TEX14: variants seen among roughly 807,000 people sequenced by gnomAD.
TEX14 encodes the protein testis expressed 14, intercellular bridge forming factor.
In TEX14, 168 loss-of-function variants were observed where a neutral mutation model predicts 178.6. The ratio of observed to expected loss-of-function variants is 0.94; its 90% CI spans 0.83 to 1.07. TEX14 has a LOEUF of 1.07. Ranked by LOEUF, TEX14 falls within the 50% of genes least tolerant of loss-of-function variation. The pLI, the probability that TEX14 is intolerant of heterozygous loss-of-function variation, is 0.00. For synonymous variants in TEX14, 626 were observed against 634.1 expected (o/e 0.99, Z 0.19); for missense variants, 1,730 against 1,753.6 (o/e 0.99, Z 0.24).
Position 58,630,481 on chromosome 17 carries a change from T to C in TEX14, c.210A>G (p.Lys70=). 4 of 1,614,122 alleles carry C rather than the reference T, an allele frequency of 2.5e-6. No homozygotes were observed. Among genetic ancestry groups the C allele is most frequent in the Non-Finnish European group, 3.4e-6 (4 of 1,179,982 alleles). Residue 70 remains lysine (K), a synonymous_variant, in exon 3 of 32, where the codon AAA becomes AAG. Coordinates refer to ENST00000349033, the MANE Select transcript of TEX14 (RefSeq NM_031272.5). ...LFVAALLGLR[K]FVDVLVDYGS... ...CATAATCCACCAGAACATCAACGAA[T>C]TTCCTAAGGCCCAATAACGCCGCAA...
intron 8 of TEX14, 152 bp downstream of exon 8, chr17:58,615,080 C>T (rs538279777): frequency 2.7e-5 from 15 of 552,762 alleles, no homozygotes; most frequent in African/African-American, 2.1e-4. Context: ...CCTGGCAGCC[C>T]TTCGAAGTCA....
At chr17:58,648,731 C>T (rs1487514543) in intron 2 of TEX14, among the ~76,000 whole-genome samples, 1 of 151,642 alleles carries the variant, frequency 6.6e-6, no homozygotes, top group Non-Finnish European at 1.5e-5. Flanking sequence ...TGTCTTGAGA[C>T]TGGCAAGGAT....
rs1477032154 is a variant in TEX14 at position 58,599,310 on chromosome 17, C to T, written c.2035G>A (p.Glu679Lys). 6.2e-7 allele frequency: 1 copy of T among 1,613,434 alleles called. No individual in the cohort carries two copies. The highest frequency in any genetic ancestry group is 8.5e-7 in the Non-Finnish European group (1 of 1,180,038). ...TCTGTCTCAGCTTTTGAAGAGCTCTCATCCTCACTGCCAAAACAACACGCC... is the reference window on the plus strand; with the variant it reads ...TCTGTCTCAGCTTTTGAAGAGCTCTTATCCTCACTGCCAAAACAACACGCC... ...REACCFGSEDESSSKAETEYS... is the reference protein window; with the variant it reads ...REACCFGSEDKSSSKAETEYS... Residue 679 changes from glutamate (E) to lysine (K), a missense_variant, in exon 14 of 32, where the codon GAG becomes AAG. Glu to Lys is a moderately conservative substitution (Grantham distance 56). This residue lies in a region of TEX14 where 941 missense variants were observed against 1,072.4 expected (regional missense o/e 0.88). Coordinates refer to ENST00000349033, the MANE Select transcript of TEX14 (RefSeq NM_031272.5).
chr17:58,599,356 CTCT>C lies in TEX14; in HGVS notation c.1986_1988del (p.Glu663del), dbSNP rs755002016. The C allele has an allele frequency of 6.2e-7, 1 of 1,614,050 alleles. No homozygotes were observed. The highest frequency in any genetic ancestry group is 8.5e-7 in the Non-Finnish European group (1 of 1,180,052). On this transcript the variant is annotated inframe_deletion, in exon 14 of 32. Coordinates refer to ENST00000349033, the MANE Select transcript of TEX14 (RefSeq NM_031272.5). The stretch of plus-strand genomic sequence containing the variant: ...ACGCCTCTCTCTCCATCTTATCCAG[CTCT>C]TCTTCCATGGATTTCAGTTCATCTA...
At chr17:58,622,013 C>T (rs1450172870) in intron 4 of TEX14, among the ~76,000 whole-genome samples, 1 of 152,188 alleles carries the variant, frequency 6.6e-6, no homozygotes, top group Non-Finnish European at 1.5e-5. Flanking sequence ...GAAACCAAGG[C>T]CAAGACGAGT....
intron 26 of TEX14, chr17:58,567,796 G>C (rs1056187730): frequency 2.6e-5 from 4 of 152,192 alleles, no homozygotes; most frequent in Admixed American, 6.5e-5. Context: ...TGAAATGAGG[G>C]AAGGCTTCTG....
intron 3 of TEX14, among the ~76,000 whole-genome samples, chr17:58,625,040 A>G (rs2046102130): frequency 6.6e-6 from 1 of 152,240 alleles, no homozygotes; most frequent in Admixed American, 6.5e-5. Flanking sequence ...GAAGCAGTCC[A>G]GCACACTGCA....
At chr17:58,581,494 T>C in intron 19 of TEX14, 1 of 1,154,080 alleles carries the variant, frequency 8.7e-7, no homozygotes, top group South Asian at 1.4e-5. Context: ...CCAAAAAAGG[T>C]ATAAAAAATC....
chr17:58,590,893 T>A (rs1189129939), intron 15 of TEX14, among the ~76,000 whole-genome samples: 2 of 151,992 alleles, frequency 1.3e-5, no homozygotes, highest in African/African-American at 2.4e-5. Flanking sequence ...TTTTTTTTTT[T>A]AATAACATAG....
intron 2 of TEX14, among the ~76,000 whole-genome samples, chr17:58,650,431 A>G (rs536438287): frequency 5.9e-5 from 9 of 151,448 alleles, no homozygotes; most frequent in East Asian, 5.8e-4. Flanking sequence ...TTTTGAGGGG[A>G]AAAAAAAACC....
chr17:58,628,887 GAA>G (rs879646693), intron 3 of TEX14, among the ~76,000 whole-genome samples: 1 of 128,700 alleles, frequency 7.8e-6, no homozygotes, highest in Non-Finnish European at 1.7e-5. Flanking sequence ...TCCATCACAA[GAA>G]AAAAAAAAAA....
In TEX14 at chr17:58,605,226, C is replaced by T. The variant is rs749304862; in HGVS notation, c.1185-97G>A. ...TCTTTCATTCATTCAGAGTCTTGCC[C>T]TGTCACCCAGGCTGGAAAGCAGCAG... On this transcript the variant is annotated intron_variant, in intron 10 of 31. Coordinates refer to ENST00000349033, the MANE Select transcript of TEX14 (RefSeq NM_031272.5). 549 of 1,411,360 alleles carry T rather than the reference C, an allele frequency of 3.9e-4. 2 individuals carry two copies. The highest frequency in any genetic ancestry group is 4.9e-4 in the Non-Finnish European group (506 of 1,042,378). The allele number at this position is 1,411,360 out of a possible 1,614,324, so 87.4% of individuals were successfully genotyped here.
intron 1 of TEX14, among the ~76,000 whole-genome samples, chr17:58,685,752 G>A (rs1318787877): frequency 6.6e-6 from 1 of 151,760 alleles, no homozygotes; most frequent in Non-Finnish European, 1.5e-5. Context: ...AGCAGTTTGG[G>A]AGGCTGAGGT....
intron 4 of TEX14, among the ~76,000 whole-genome samples, chr17:58,622,180 C>A (rs1314585500): frequency 6.6e-6 from 1 of 152,224 alleles, no homozygotes; most frequent in Non-Finnish European, 1.5e-5. Context: ...GGTGCAGTGG[C>A]TCATGCCTGT....
At chr17:58,604,563 CTTTT>C (rs951958808) in intron 11 of TEX14, among the ~76,000 whole-genome samples, 4 of 147,328 alleles carry the variant, frequency 2.7e-5, no homozygotes, top group Non-Finnish European at 6.0e-5. Flanking sequence ...TTTGCTGAGT[CTTTT>C]TTTTTTCTTT....
intron 6 of TEX14, 140 bp from the exon 7 acceptor site, chr17:58,616,445 T>TG (rs2045875249): frequency 2.7e-6 from 3 of 1,111,116 alleles, no homozygotes; most frequent in African/African-American, 1.6e-5. Context: ...GGCCTTTTTT[T>TG]TTTTTTGAGA....
Position 58,579,681 on chromosome 17 carries a change from G to A in TEX14, c.3222C>T (p.Ala1074=), listed in dbSNP as rs554013291. The A allele has an allele frequency of 3.1e-5, 50 of 1,613,690 alleles. No individual in the cohort carries two copies. The highest frequency in any genetic ancestry group is 4.1e-5 in the Non-Finnish European group (48 of 1,179,864). Reference sequence around the variant, plus strand: ...GCTTATTACCAGAGACTTGAGGTTGGGCAAATGCACCTTGTATTCCTTCAA... The same window carrying A: ...GCTTATTACCAGAGACTTGAGGTTGAGCAAATGCACCTTGTATTCCTTCAA... ...EDFEGIQGAF[A]QPQVSGEEKF... is the part of the protein sequence containing the mutation. Residue 1074 remains alanine (A), a synonymous_variant, in exon 20 of 32, where the codon GCC becomes GCT. Transcript: ENST00000349033.
chr17:58,674,444 C>T (rs2047357605), intron 1 of TEX14, among the ~76,000 whole-genome samples: 2 of 151,994 alleles, frequency 1.3e-5, no homozygotes, highest in African/African-American at 4.8e-5. Flanking sequence ...CCAAGGTGGA[C>T]AGATCACTTG....
rs1385331361 is a variant in TEX14, at chr17:58,561,372, G to A, written c.4157+148C>T. The A allele has an allele frequency of 4.0e-5, 25 of 625,278 alleles. No individual in the cohort carries two copies. The Admixed American group carries it at 6.3e-4, about 16-fold the overall frequency. The allele number at this position is 625,278 out of a possible 1,614,324, so 38.7% of individuals were successfully genotyped here. Reference sequence around the variant, plus strand: ...ACTGTGGGTGGTCAGAGGAAGAGGGGCAAATATGAGTGCAGACAGGTGGAG... The same window carrying A: ...ACTGTGGGTGGTCAGAGGAAGAGGGACAAATATGAGTGCAGACAGGTGGAG... On this transcript the variant is annotated intron_variant, in intron 29 of 31. Coordinates refer to ENST00000349033, the MANE Select transcript of TEX14 (RefSeq NM_031272.5).
Sources: allele counts gnomAD v4.1 joint callset (sites outside exome capture counted in the v4.1 genomes callset), GRCh38; gene constraint gnomAD v4.1.1; regional missense constraint gnomAD v4.1.1; transcripts MANE v1.5; gene names NCBI Gene and HGNC (gene_info 2026-07-23, HGNC 2026-07-21).